The following RAB3C variants were observed in gnomAD, a reference collection of about 807,000 sequenced individuals.
The protein encoded by RAB3C is RAB3C, member RAS oncogene family.
In RAB3C, 17 loss-of-function variants were observed where a neutral mutation model predicts 26.4. The ratio of observed to expected loss-of-function variants is 0.64; its 90% CI spans 0.44 to 0.97. RAB3C has a LOEUF of 0.97. RAB3C is among the 50% of genes least tolerant of loss of function. The pLI is 0.00. For synonymous variants in RAB3C, 91 were observed against 95.9 expected, an observed-to-expected ratio of 0.95 and a Z score of 0.30; for missense variants, 242 against 281.9, an observed-to-expected ratio of 0.86 and a Z score of 1.01.
chr5:58,835,997 C>T (rs143904889), intron 4 of RAB3C, among the ~76,000 whole-genome samples: 5 of 152,154 alleles, frequency 3.3e-5, no homozygotes, highest in East Asian at 1.9e-4. Flanking sequence ...ATTATTAGGG[C>T]GGGGAACAGT....
chr5:58,722,432 C>A (rs1480983181), intron 2 of RAB3C, among the ~76,000 whole-genome samples: 1 of 150,276 alleles, frequency 6.7e-6, no homozygotes, highest in African/African-American at 2.4e-5. Context: ...AAAGTGTGAC[C>A]AAGAGAAAAA....
At chr5:58,671,659 A>G (rs544515361) in intron 2 of RAB3C, among the ~76,000 whole-genome samples, 1 of 152,302 alleles carries the variant, frequency 6.6e-6, no homozygotes, top group African/African-American at 2.4e-5. Flanking sequence ...AGATACATTG[A>G]TTGCTGGCTG....
chr5:58,773,807 C>A (rs577848157), intron 3 of RAB3C, among the ~76,000 whole-genome samples: 1 of 152,132 alleles, frequency 6.6e-6, no homozygotes, highest in Non-Finnish European at 1.5e-5. Flanking sequence ...CCTCTTCTAG[C>A]AATTCCCAGG....
At chr5:58,717,378 A>G (rs1749193828) in intron 2 of RAB3C, among the ~76,000 whole-genome samples, 1 of 152,074 alleles carries the variant, frequency 6.6e-6, no homozygotes, top group African/African-American at 2.4e-5. Flanking sequence ...AGATGACTGT[A>G]CGTAACCTGA....
chr5:58,718,856 C>T (rs1749227767), intron 2 of RAB3C, among the ~76,000 whole-genome samples: 1 of 152,074 alleles, frequency 6.6e-6, no homozygotes, highest in Admixed American at 6.6e-5. Context: ...GGAGGATTAA[C>T]TGCTCTAGGG....
At chr5:58,615,080 A>G (rs1746796422) in intron 1 of RAB3C, among the ~76,000 whole-genome samples, 1 of 152,112 alleles carries the variant, frequency 6.6e-6, no homozygotes, top group South Asian at 2.1e-4. Flanking sequence ...ATCAACCCCT[A>G]TAGATACCGA....
rs547334509 is a variant in RAB3C at position 58,638,434 on chromosome 5, C to T, written c.252+20564C>T. Among the ~76,000 whole-genome samples the T allele has an allele frequency of 1.5e-3, 228 of 151,814 alleles. 2 individuals are homozygous for T. Among genetic ancestry groups the T allele is most frequent in the African/African-American group, 5.1e-3 (211 of 41,416 alleles). ...TTGTTTATGGCATGTTTTGGTCATC[C>T]TTAATTTTTTTTATTCTCATGGAGT... On this transcript the variant is annotated intron_variant, in intron 2 of 4. Transcript: ENST00000282878.
intron 3 of RAB3C, among the ~76,000 whole-genome samples, chr5:58,786,397 G>A (rs1253807896): frequency 6.6e-6 from 1 of 152,048 alleles, no homozygotes; most frequent in Non-Finnish European, 1.5e-5. Flanking sequence ...ACTTATAGGT[G>A]CAATCTTGGT....
chr5:58,842,293 C>T (rs557235978), intron 4 of RAB3C, among the ~76,000 whole-genome samples: 5 of 152,294 alleles, frequency 3.3e-5, no homozygotes, highest in African/African-American at 1.2e-4. Context: ...ACCAGAAAAT[C>T]GTTTGTTCAT....
At chr5:58,697,677 A>G (rs1748743944) in intron 2 of RAB3C, among the ~76,000 whole-genome samples, 1 of 152,022 alleles carries the variant, frequency 6.6e-6, no homozygotes, top group Non-Finnish European at 1.5e-5. Context: ...CCATTATGTA[A>G]CGGTCTTCTT....
rs1561305137 is a variant in RAB3C at position 58,737,415 on chromosome 5, AT to A, written c.371+11296del. On this transcript the variant is annotated intron_variant, in intron 3 of 4. Transcript: ENST00000282878. ...ATGAAATATATATATATATATATAT[AT>A]ATATATATATATATATATATATATA... is the stretch of plus-strand genomic sequence containing the variant. Among the ~76,000 whole-genome samples, 23 of 83,720 alleles carry A rather than the reference AT, an allele frequency of 2.7e-4. 1 individual carries two copies. Among genetic ancestry groups the A allele is most frequent in the East Asian group, 1.2e-3 (3 of 2,410 alleles). The allele number at this position is 83,720 out of a possible 152,430, so 54.9% of individuals were successfully genotyped here.
chr5:58,813,592 TTATATATATATATATA>T (rs869039335), intron 3 of RAB3C, among the ~76,000 whole-genome samples: 58 of 47,820 alleles, frequency 1.2e-3, no homozygotes, highest in Middle Eastern at 0.019. Flanking sequence ...ATATTTATAT[TTATATATATATATATA>T]TATATATATA....
intron 3 of RAB3C, among the ~76,000 whole-genome samples, chr5:58,766,397 T>C (rs1035060692): frequency 6.6e-6 from 1 of 152,200 alleles, no homozygotes; most frequent in Admixed American, 6.5e-5. Context: ...ATTACAGGCA[T>C]GAGCCACCGC....
At chr5:58,745,136 G>A (rs7701621) in intron 3 of RAB3C, among the ~76,000 whole-genome samples, 23,231 of 151,890 alleles carry the variant, frequency 0.15, 2,196 homozygotes, top group Non-Finnish European at 0.21. Flanking sequence ...GGTGGCTCAC[G>A]CCTGTAATCC....
chr5:58,756,387 C>CGTAT (rs1554051247), intron 3 of RAB3C, among the ~76,000 whole-genome samples: 1 of 132,066 alleles, frequency 7.6e-6, no homozygotes, highest in East Asian at 2.1e-4. Flanking sequence ...TACTATATAA[C>CGTAT]ATATATATAT....
intron 3 of RAB3C, among the ~76,000 whole-genome samples, chr5:58,824,600 G>A (rs13355278): frequency 0.037 from 5,616 of 152,120 alleles, 138 homozygotes; most frequent in Non-Finnish European, 0.058. Context: ...TATTGTTTTC[G>A]TGTGATGTGC....
In RAB3C at chr5:58,752,777, A is replaced by AT. The variant is rs201782494; in HGVS notation, c.371+26663dup. Among the ~76,000 whole-genome samples, 627 of 152,202 alleles carry AT rather than the reference A, an allele frequency of 4.1e-3. 1 individual carries two copies. Among genetic ancestry groups the AT allele is most frequent in the African/African-American group, 0.014 (585 of 41,542 alleles). ...TTTTCATCTACTACCTAAAATGCAG[A>AT]TTTTTTCATCAGTTTAAAATAGAGT... is the stretch of plus-strand genomic sequence containing the variant. On this transcript the variant is annotated intron_variant, in intron 3 of 4. Transcript: ENST00000282878.
chr5:58,839,518 GCAC>G (rs1333038377), intron 4 of RAB3C, among the ~76,000 whole-genome samples: 1 of 151,872 alleles, frequency 6.6e-6, no homozygotes, highest in Non-Finnish European at 1.5e-5. Flanking sequence ...TTACAGGCAT[GCAC>G]CACCATGCCC....
Position 58,858,046 on chromosome 5 carries a change from A to T in RAB3C, c.*6695A>T, listed in dbSNP as rs1272556317. 1 of 152,198 alleles carries T rather than the reference A, an allele frequency of 6.6e-6. No homozygotes were observed. Among genetic ancestry groups the T allele is most frequent in the Non-Finnish European group, 1.5e-5 (1 of 68,026 alleles). The allele number at this position is 152,198 out of a possible 1,614,324, so 9.4% of individuals were successfully genotyped here. ...CCCTTAGGAAGAAAAACAAGTTATG[A>T]CTTATTCACTAAAATTGATGCAAGA... On this transcript the variant is annotated 3_prime_UTR_variant, in exon 5 of 5. Coordinates refer to ENST00000282878, the MANE Select transcript of RAB3C (RefSeq NM_138453.4).
Sources: allele counts gnomAD v4.1 joint callset (sites outside exome capture counted in the v4.1 genomes callset), GRCh38; gene constraint gnomAD v4.1.1; transcripts MANE v1.5; gene names NCBI Gene and HGNC (gene_info 2026-07-23, HGNC 2026-07-21).